NBR1: variants seen among roughly 807,000 people sequenced by gnomAD.
NBR1 encodes the protein NBR1 autophagy cargo receptor.
NBR1 carries 59 observed loss-of-function variants against 115.5 expected under a neutral mutation model. The observed-to-expected ratio is 0.51, with a 90% CI of 0.41 to 0.63. The LOEUF is 0.63. NBR1 is among the 30% of genes least tolerant of loss of function. The pLI is 0.00. For synonymous variants in NBR1, 373 were observed against 414.7 expected (o/e 0.90, Z 1.22); for missense variants, 1,043 against 1,150.5 (o/e 0.91, Z 1.35).
rs1170406223 is a variant in NBR1, at chr17:43,186,258, T to G, written c.216T>G (p.Val72=). The change falls in exon 6 of 21, where the codon GTT becomes GTG. Residue 72 remains valine, a synonymous_variant. Transcript: ENST00000590996. The part of the protein sequence containing the change: ...GEYEEALKMA[V]KQGNQLQMQV... ...ATAATGTATGCTCTTAGATGGCAGT[T>G]AAACAGGGAAACCAACTGCAGATGC... The G allele has an allele frequency of 1.3e-6, 2 of 1,571,176 alleles. No individual in the cohort carries two copies.
rs2056985022 is a variant in NBR1, at chr17:43,193,077, T to G, written c.1074-17T>G. ...ACACCCAACAGCAAGTGACTAAGCA[T>G]CTGAATTTCTGTTCAGGCTCCCTTT... is the stretch of plus-strand genomic sequence containing the variant. On this transcript the variant is annotated splice_polypyrimidine_tract_variant and intron_variant, in intron 10 of 20. Coordinates refer to ENST00000590996, the MANE Select transcript of NBR1 (RefSeq NM_005899.5). 1 of 1,611,572 alleles carries G rather than the reference T, an allele frequency of 6.2e-7. No homozygotes were observed. Among genetic ancestry groups the G allele is most frequent in the Non-Finnish European group, 8.5e-7 (1 of 1,178,406 alleles).
At chr17:43,209,434 C>A in intron 20 of NBR1, 1 of 746,160 alleles carries the variant, frequency 1.3e-6, no homozygotes, top group Non-Finnish European at 2.2e-6. Context: ...GTTGTAATTT[C>A]CCAAGCTGTT....
Position 43,189,040 on chromosome 17 carries a change from A to T in NBR1, c.403-2A>T. The T allele has an allele frequency of 6.2e-7, 1 of 1,607,146 alleles. No individual in the cohort carries two copies. Among genetic ancestry groups the T allele is most frequent in the Non-Finnish European group, 8.5e-7 (1 of 1,173,640 alleles). On this transcript the variant is annotated splice_acceptor_variant, in intron 6 of 20. Coordinates refer to ENST00000590996, the MANE Select transcript of NBR1 (RefSeq NM_005899.5). LOFTEE classifies it high-confidence loss of function. ...AACATCTCGGCTTGTGTTTTCTCCC[A>T]GTCGTTTCCACTTGTTCCATGTGAC...
intron 1 of NBR1, among the ~76,000 whole-genome samples, chr17:43,172,281 C>T (rs1287100295): frequency 6.6e-6 from 1 of 152,128 alleles, no homozygotes; most frequent in Non-Finnish European, 1.5e-5. Flanking sequence ...ACATGTCAGC[C>T]AAAGAGAGTT....
At chr17:43,184,069 C>G (rs971533911) in intron 5 of NBR1, among the ~76,000 whole-genome samples, 1 of 151,892 alleles carries the variant, frequency 6.6e-6, no homozygotes, top group African/African-American at 2.4e-5. Flanking sequence ...TCACTGTCAC[C>G]CAGGCTGGAG....
intron 5 of NBR1, among the ~76,000 whole-genome samples, chr17:43,183,550 G>A (rs1283898737): frequency 6.6e-6 from 1 of 152,028 alleles, no homozygotes; most frequent in Non-Finnish European, 1.5e-5. Flanking sequence ...AGAGGCTGGA[G>A]CACAGTGGTG....
At chr17:43,191,762 C>T (rs1179798993) in intron 10 of NBR1, among the ~76,000 whole-genome samples, 181 bp downstream of exon 10, 1 of 152,218 alleles carries the variant, frequency 6.6e-6, no homozygotes, top group Non-Finnish European at 1.5e-5. Context: ...TGCTCTGTCA[C>T]CCAGGCGGTA....
intron 16 of NBR1, among the ~76,000 whole-genome samples, chr17:43,197,527 A>T (rs2057097886): frequency 6.6e-6 from 1 of 151,992 alleles, no homozygotes; most frequent in African/African-American, 2.4e-5. Flanking sequence ...TCAAAAAAAA[A>T]AAAAGAAATT....
chr17:43,202,054 C>A (rs149417585), intron 18 of NBR1, among the ~76,000 whole-genome samples: 4 of 151,840 alleles, frequency 2.6e-5, no homozygotes, highest in African/African-American at 9.7e-5. Flanking sequence ...GTGGCGGGCA[C>A]CTGTAATCCC....
chr17:43,182,572 T>G (rs1280981113), intron 5 of NBR1, among the ~76,000 whole-genome samples: 2 of 151,512 alleles, frequency 1.3e-5, no homozygotes, highest in Non-Finnish European at 2.9e-5. Flanking sequence ...AAGGCAGAGA[T>G]GACAGCCACT....
At chr17:43,198,191 C>T (rs1160471919) in intron 16 of NBR1, among the ~76,000 whole-genome samples, 2 of 150,962 alleles carry the variant, frequency 1.3e-5, no homozygotes, top group African/African-American at 2.4e-5. Flanking sequence ...GGAATAAATA[C>T]CTTTATAACA....
intron 20 of NBR1, among the ~76,000 whole-genome samples, chr17:43,204,232 C>G (rs1377881182): frequency 6.6e-6 from 1 of 152,112 alleles, no homozygotes; most frequent in Admixed American, 6.6e-5. Context: ...GCCACCGCAC[C>G]TGGCCAACTC....
chr17:43,178,230 A>G (rs1314251947), intron 3 of NBR1, among the ~76,000 whole-genome samples: 1 of 151,138 alleles, frequency 6.6e-6, no homozygotes, highest in Non-Finnish European at 1.5e-5. Context: ...AAAAAAAAAA[A>G]GGAAACAGGG....
At chr17:43,187,171 C>T (rs758532869) in intron 6 of NBR1, among the ~76,000 whole-genome samples, 39 of 152,074 alleles carry the variant, frequency 2.6e-4, no homozygotes, top group Non-Finnish European at 5.4e-4. Flanking sequence ...CACATCCTCT[C>T]CAACATCTAT....
intron 3 of NBR1, 141 bp from the exon 4 acceptor site, chr17:43,179,253 T>C (rs1048666561): frequency 8.5e-6 from 6 of 701,770 alleles, no homozygotes; most frequent in Non-Finnish European, 1.5e-5. Context: ...TTCTTAAGTG[T>C]TATTCATGAC....
At chr17:43,197,520 A>AG (rs1379298148) in intron 16 of NBR1, among the ~76,000 whole-genome samples, 2 of 149,000 alleles carry the variant, frequency 1.3e-5, no homozygotes, top group Non-Finnish European at 3.0e-5. Flanking sequence ...CTCCATCTCA[A>AG]AAAAAAAAAA....
At chr17:43,175,645 A>T in intron 1 of NBR1, 146 bp from the exon 2 acceptor site, 1 of 459,622 alleles carries the variant, frequency 2.2e-6, no homozygotes, top group South Asian at 3.8e-5. Context: ...AAGAACAGGG[A>T]CAGTGTTTCT....
intron 8 of NBR1, 172 bp downstream of exon 8, chr17:43,189,974 A>G: frequency 1.6e-6 from 1 of 625,880 alleles, no homozygotes; most frequent in Non-Finnish European, 2.8e-6. Flanking sequence ...TGTATGTTGT[A>G]ACTATTCAGA....
intron 5 of NBR1, among the ~76,000 whole-genome samples, chr17:43,181,615 G>A (rs147933938): frequency 9.9e-5 from 15 of 152,164 alleles, no homozygotes; most frequent in Non-Finnish European, 1.9e-4. Flanking sequence ...GCAGTGAGCC[G>A]AGATCGTGCC....
Sources: gnomAD v4.1 joint callset for allele counts (sites outside exome capture counted in the v4.1 genomes callset) on GRCh38, gnomAD v4.1.1 for gene constraint, MANE v1.5 for transcripts, NCBI Gene and HGNC (gene_info 2026-07-23, HGNC 2026-07-21) for gene names.